CAB39L: variants seen among roughly 807,000 people sequenced by gnomAD.
CAB39L encodes calcium binding protein 39 like.
In CAB39L, 23 loss-of-function variants were observed where a neutral mutation model predicts 39.1. That is an observed-to-expected ratio of 0.59 (90% CI 0.42 to 0.83). The LOEUF (loss-of-function observed/expected upper bound fraction) is 0.83. CAB39L is among the 40% of genes least tolerant of loss of function. The pLI, the probability that CAB39L is intolerant of heterozygous loss-of-function variation, is 0.00. For missense variants in CAB39L, 366 were observed against 391.9 expected, an observed-to-expected ratio of 0.93 and a Z score of 0.56; for synonymous variants, 126 against 137.2, an observed-to-expected ratio of 0.92 and a Z score of 0.57.
chr13:49,414,836 A>G (rs1379231959), intron 3 of CAB39L, among the ~76,000 whole-genome samples: 1 of 152,140 alleles, frequency 6.6e-6, no homozygotes, highest in East Asian at 1.9e-4. Context: ...AATAGCATTT[A>G]TAAGTGGAAA....
chr13:49,360,957 C>T (rs1955613166), intron 5 of CAB39L, among the ~76,000 whole-genome samples: 1 of 152,068 alleles, frequency 6.6e-6, no homozygotes, highest in African/African-American at 2.4e-5. Context: ...CAAGTATTTC[C>T]TTATAGCAGT....
At chr13:49,439,059 CTT>C (rs1479540490) in intron 1 of CAB39L, among the ~76,000 whole-genome samples, 1 of 152,182 alleles carries the variant, frequency 6.6e-6, no homozygotes, top group Non-Finnish European at 1.5e-5. Context: ...CTTGTCACCT[CTT>C]GACTCCTTTT....
chr13:49,364,625 CA>C (rs1226551617), intron 5 of CAB39L, among the ~76,000 whole-genome samples: 1 of 152,046 alleles, frequency 6.6e-6, no homozygotes, highest in Non-Finnish European at 1.5e-5. Context: ...ATACAAAAAT[CA>C]GTAGCATTTC....
chr13:49,331,794 A>G (rs546121584), intron 10 of CAB39L, among the ~76,000 whole-genome samples, 153 bp downstream of exon 10: 4 of 152,228 alleles, frequency 2.6e-5, no homozygotes, highest in African/African-American at 4.8e-5. Flanking sequence ...TCATTAAGAT[A>G]ACTCTGAAAT....
chr13:49,424,864 T>G (rs76821503), intron 3 of CAB39L, among the ~76,000 whole-genome samples: 4,192 of 152,182 alleles, frequency 0.028, 178 homozygotes, highest in African/African-American at 0.095. Context: ...TCTAAATAAG[T>G]TTAATGTATA....
chr13:49,361,189 A>G (rs1022706913), intron 5 of CAB39L, among the ~76,000 whole-genome samples: 1 of 152,104 alleles, frequency 6.6e-6, no homozygotes, highest in African/African-American at 2.4e-5. Context: ...AAAAAGTCCA[A>G]TACAAAAAGG....
chr13:49,377,872 G>T (rs1394035729), intron 4 of CAB39L, among the ~76,000 whole-genome samples: 1 of 82,256 alleles, frequency 1.2e-5, no homozygotes, highest in Non-Finnish European at 2.4e-5. Flanking sequence ...AGTGAGGAGC[G>T]TCTCCGCCCG....
intron 1 of CAB39L, among the ~76,000 whole-genome samples, chr13:49,436,430 T>A (rs1433643760): frequency 6.6e-6 from 1 of 152,132 alleles, no homozygotes; most frequent in African/African-American, 2.4e-5. Flanking sequence ...TATTACTTTT[T>A]AACCTTTCTT....
Position 49,434,903 on chromosome 13 carries a change from T to C in CAB39L, c.-245-680A>G, listed in dbSNP as rs549336184. Among the ~76,000 whole-genome samples the C allele has an allele frequency of 2.6e-5, 4 of 152,278 alleles. No individual in the cohort carries two copies. The South Asian group carries it at 8.3e-4, about 32-fold the overall frequency. The stretch of plus-strand genomic sequence containing the variant: ...GATATAGATGTGTAAACTTGTTTCA[T>C]TTCCTTTTCAGATTTTTCTTTCATT... On this transcript the variant is annotated intron_variant, in intron 1 of 10. Coordinates refer to ENST00000409308, the MANE Select transcript of CAB39L (RefSeq NM_001079670.3).
At chr13:49,409,463 A>AAAAAC (rs1211635692) in intron 3 of CAB39L, among the ~76,000 whole-genome samples, 1 of 145,368 alleles carries the variant, frequency 6.9e-6, no homozygotes, top group Non-Finnish European at 1.5e-5. Flanking sequence ...AAAAAAAAAA[A>AAAAAC]AAACCTTTCA....
chr13:49,364,958 A>G (rs151272286), intron 5 of CAB39L, among the ~76,000 whole-genome samples: 25 of 152,330 alleles, frequency 1.6e-4, no homozygotes, highest in Middle Eastern at 3.4e-3. Flanking sequence ...TAAAATTTAC[A>G]TGGAACCACA....
intron 3 of CAB39L, among the ~76,000 whole-genome samples, chr13:49,432,098 CTTTA>C (rs1038402902): frequency 1.3e-4 from 20 of 152,054 alleles, no homozygotes; most frequent in African/African-American, 2.7e-4. Flanking sequence ...GCCCCTTACT[CTTTA>C]TTTATTTTAT....
At chr13:49,411,703 T>C (rs1045453076) in intron 3 of CAB39L, among the ~76,000 whole-genome samples, 1 of 152,184 alleles carries the variant, frequency 6.6e-6, no homozygotes, top group Non-Finnish European at 1.5e-5. Flanking sequence ...CACTTGGCAC[T>C]GAAAACTCGA....
At chr13:49,341,479 C>T (rs1224681304) in intron 8 of CAB39L, among the ~76,000 whole-genome samples, 5 of 152,110 alleles carry the variant, frequency 3.3e-5, no homozygotes, top group Non-Finnish European at 7.4e-5. Context: ...TCTTGAACTC[C>T]TGACCTCGTG....
In CAB39L at chr13:49,419,881, G is replaced by C. The variant is rs144961292; in HGVS notation, c.-32+13437C>G. Among the ~76,000 whole-genome samples the C allele has an allele frequency of 2.6e-3, 399 of 152,154 alleles. 2 individuals are homozygous for C. Among genetic ancestry groups the C allele is most frequent in the African/African-American group, 9.3e-3 (386 of 41,520 alleles). ...ATAGAAGAATGCCACAGTTGCAAAA[G>C]AGCAAGCTATCTCTAAAATCCAGGG... is the stretch of plus-strand genomic sequence containing the variant. On this transcript the variant is annotated intron_variant, in intron 3 of 10. Coordinates refer to ENST00000409308, the MANE Select transcript of CAB39L (RefSeq NM_001079670.3).
intron 5 of CAB39L, among the ~76,000 whole-genome samples, chr13:49,365,634 G>A (rs917701691): frequency 4.6e-5 from 7 of 152,156 alleles, no homozygotes; most frequent in Non-Finnish European, 7.3e-5. Flanking sequence ...TCATGTAAAC[G>A]TCAGGTAACA....
At position 49,436,553 on chromosome 13, in the gene CAB39L, C is replaced by CTTTTTTTTTTTTTTTTTTTTTTTTTT. The variant is rs57141770; in HGVS notation, c.-245-2356_-245-2331dup. ...TTTAGCTTCATTTCTTTCTTTATGA[C>CTTTTTTTTTTTTTTTTTTTTTTTTTT]TTTTTTTTTTTTTTTTTTTTTTTTT... On this transcript the variant is annotated intron_variant, in intron 1 of 10. Transcript: ENST00000409308. Among the ~76,000 whole-genome samples the CTTTTTTTTTTTTTTTTTTTTTTTTTT allele has an allele frequency of 2.7e-5, 2 of 73,428 alleles. 1 individual carries two copies. Among genetic ancestry groups the CTTTTTTTTTTTTTTTTTTTTTTTTTT allele is most frequent in the Non-Finnish European group, 4.7e-5 (2 of 42,614 alleles). The allele number at this position is 73,428 out of a possible 152,430, so 48.2% of individuals were successfully genotyped here. A position where few individuals can be genotyped will look rare whatever the true frequency, so the allele number is the denominator to read the frequency against.
At chr13:49,338,338 C>A (rs1206332979) in intron 9 of CAB39L, among the ~76,000 whole-genome samples, 3 of 147,560 alleles carry the variant, frequency 2.0e-5, no homozygotes, top group South Asian at 2.2e-4. Flanking sequence ...ATGGTGAGTT[C>A]ATGTCCTTTG....
chr13:49,311,065 A>C lies in CAB39L; in HGVS notation c.835-72T>G, dbSNP rs558270409. 83 of 1,401,790 alleles carry C rather than the reference A, an allele frequency of 5.9e-5. 1 individual carries two copies. The highest frequency in any genetic ancestry group is 7.8e-5 in the Non-Finnish European group (79 of 1,015,494). The allele number at this position is 1,401,790 out of a possible 1,614,324, so 86.8% of individuals were successfully genotyped here. ...CACCCACGCTACAGCAGTGCAGGCCAGGGACCTCACCCACACTACTCGCGT... is the reference window on the plus strand; with the variant it reads ...CACCCACGCTACAGCAGTGCAGGCCCGGGACCTCACCCACACTACTCGCGT... On this transcript the variant is annotated intron_variant, in intron 10 of 10. Coordinates refer to ENST00000409308, the MANE Select transcript of CAB39L (RefSeq NM_001079670.3).
Sources: allele counts gnomAD v4.1 joint callset (sites outside exome capture counted in the v4.1 genomes callset), GRCh38; gene constraint gnomAD v4.1.1; transcripts MANE v1.5; gene names NCBI Gene and HGNC (gene_info 2026-07-23, HGNC 2026-07-21).